The following PTPRT variants were observed in gnomAD, a reference collection of about 807,000 sequenced individuals.
PTPRT encodes receptor-type tyrosine-protein phosphatase T.
A neutral mutation model predicts 176.8 loss-of-function variants in PTPRT; 56 were observed. The ratio of observed to expected loss-of-function variants is 0.32; its 90% confidence interval spans 0.26 to 0.40. PTPRT has a LOEUF of 0.40. Ranked by LOEUF, PTPRT falls within the 10% of genes least tolerant of loss-of-function variation. PTPRT has a pLI of 1.00. For missense variants in PTPRT, 1,540 were observed against 1,908.2 expected, an observed-to-expected ratio of 0.81 and a Z score of 3.60; for synonymous variants, 783 against 739.0, an observed-to-expected ratio of 1.06 and a Z score of -0.96.
At chr20:42,330,290 G>A (rs2057949278) in intron 11 of PTPRT, among the ~76,000 whole-genome samples, 1 of 151,952 alleles carries the variant, frequency 6.6e-6, no homozygotes, top group African/African-American at 2.4e-5. Context: ...CGCCAACATC[G>A]TGAAACTCCA....
intron 7 of PTPRT, among the ~76,000 whole-genome samples, chr20:42,507,255 T>C (rs1313783032): frequency 1.3e-5 from 2 of 152,094 alleles, no homozygotes; most frequent in Non-Finnish European, 2.9e-5. Flanking sequence ...CAAACCAGTG[T>C]ACTCATTTTT....
At position 42,365,426 on chromosome 20, in the gene PTPRT, G is replaced by A. The variant is rs1388946822; in HGVS notation, c.1561-13141C>T. Among the ~76,000 whole-genome samples, 5 of 152,056 alleles carry A rather than the reference G, an allele frequency of 3.3e-5. No homozygotes were observed. The East Asian group carries it at 7.7e-4, about 23-fold the overall frequency. On this transcript the variant is annotated intron_variant, in intron 9 of 30. Transcript: ENST00000373187. ...ATGCATACCTGCATGGCTGTATGTG[G>A]GCTTTATGCGTATTATGCATATGTG...
At chr20:42,137,022 C>A (rs907291300) in intron 18 of PTPRT, among the ~76,000 whole-genome samples, 7 of 152,156 alleles carry the variant, frequency 4.6e-5, no homozygotes, top group African/African-American at 1.7e-4. Flanking sequence ...GCTCTTTGGG[C>A]CTGCCCTGCA....
chr20:42,340,780 A>G (rs550840130), intron 11 of PTPRT, among the ~76,000 whole-genome samples: 1 of 152,032 alleles, frequency 6.6e-6, no homozygotes, highest in East Asian at 1.9e-4. Flanking sequence ...AAGATCTGAG[A>G]CAAAGCAGCG....
At chr20:43,104,604 G>A (rs2012522135) in intron 1 of PTPRT, among the ~76,000 whole-genome samples, 1 of 152,210 alleles carries the variant, frequency 6.6e-6, no homozygotes, top group African/African-American at 2.4e-5. Flanking sequence ...CACAGAGTTG[G>A]AGCTAAATAG....
At chr20:43,088,298 A>T (rs2011684540) in intron 1 of PTPRT, among the ~76,000 whole-genome samples, 1 of 150,826 alleles carries the variant, frequency 6.6e-6, no homozygotes, top group Non-Finnish European at 1.5e-5. Context: ...AGACTCCCAA[A>T]ATGTTATATT....
the PTPRT span, among the ~76,000 whole-genome samples, chr20:42,036,570 A>G: frequency 6.6e-6 from 1 of 152,186 alleles, no homozygotes; most frequent in East Asian, 1.9e-4. Context: ...TGCTTAGCAA[A>G]TAAGATAATG....
intron 9 of PTPRT, among the ~76,000 whole-genome samples, chr20:42,374,535 T>C (rs2058628266): frequency 6.6e-6 from 1 of 152,076 alleles, no homozygotes; most frequent in African/African-American, 2.4e-5. Context: ...TAAACATATA[T>C]GGCAGAGAAC....
chr20:42,420,007 A>G (rs1350701693), intron 9 of PTPRT, among the ~76,000 whole-genome samples: 35 of 152,068 alleles, frequency 2.3e-4, no homozygotes, highest in Non-Finnish European at 1.5e-5. Context: ...GTTTTCCCCA[A>G]CAGCCTTCGG....
intron 5 of PTPRT, among the ~76,000 whole-genome samples, chr20:42,768,520 G>C (rs942923156): frequency 6.6e-6 from 1 of 151,150 alleles, no homozygotes; most frequent in Non-Finnish European, 1.5e-5. Flanking sequence ...CTGAGCAATT[G>C]GTTTTTGTTT....
the PTPRT span, among the ~76,000 whole-genome samples, chr20:42,046,441 C>T: frequency 6.6e-6 from 1 of 152,206 alleles, no homozygotes; most frequent in Non-Finnish European, 1.5e-5. Context: ...AGATGAAATT[C>T]ACCAACCATC....
chr20:42,195,003 T>C (rs571479843), intron 16 of PTPRT, among the ~76,000 whole-genome samples: 55 of 152,114 alleles, frequency 3.6e-4, no homozygotes, highest in East Asian at 2.1e-3. Flanking sequence ...CCGGGGCCTG[T>C]TGTGGGGTGG....
intron 7 of PTPRT, among the ~76,000 whole-genome samples, chr20:42,669,132 T>C (rs182039300): frequency 2.0e-5 from 3 of 151,950 alleles, no homozygotes; most frequent in Admixed American, 6.6e-5. Context: ...AAGCAGAGAG[T>C]GCAGCAGCAG....
intron 1 of PTPRT, among the ~76,000 whole-genome samples, chr20:43,101,109 T>C (rs1216162849): frequency 6.6e-6 from 1 of 152,164 alleles, no homozygotes; most frequent in Non-Finnish European, 1.5e-5. Flanking sequence ...AAACACATGC[T>C]CATTACCAAG....
chr20:42,062,948 T>A, the PTPRT span, among the ~76,000 whole-genome samples: 1 of 152,240 alleles, frequency 6.6e-6, no homozygotes, highest in Non-Finnish European at 1.5e-5. Flanking sequence ...TCAGCCAGCA[T>A]CCTGGAGGAT....
chr20:42,556,075 C>T (rs62203777), intron 7 of PTPRT, among the ~76,000 whole-genome samples: 3,374 of 152,258 alleles, frequency 0.022, 63 homozygotes, highest in South Asian at 0.098. Context: ...AGGCACACAT[C>T]TATTAAGCGA....
intron 7 of PTPRT, among the ~76,000 whole-genome samples, chr20:42,574,551 G>C (rs2073222269): frequency 6.6e-6 from 1 of 152,168 alleles, no homozygotes; most frequent in South Asian, 2.1e-4. Context: ...AGTTACCATT[G>C]CTCCAGGGGA....
At chr20:42,037,079 G>A in the PTPRT span, among the ~76,000 whole-genome samples, 12 of 152,152 alleles carry the variant, frequency 7.9e-5, no homozygotes, top group Admixed American at 2.0e-4. Context: ...CCATGCAGCA[G>A]AAGCAAACAG....
chr20:43,129,183 G>T (rs150578049), intron 1 of PTPRT, among the ~76,000 whole-genome samples: 1,701 of 152,294 alleles, frequency 0.011, 34 homozygotes, highest in African/African-American at 0.038. Flanking sequence ...AGGGGGCATA[G>T]AGGCCGAGGT....
Sources: gnomAD v4.1 joint callset for allele counts (sites outside exome capture counted in the v4.1 genomes callset) on GRCh38, gnomAD v4.1.1 for gene constraint, MANE v1.5 for transcripts, NCBI Gene and HGNC (gene_info 2026-07-23, HGNC 2026-07-21) for gene names.